Variants in UGT1A7 observed in about 807,000 individuals in gnomAD.
UGT1A7 encodes UDP-glucuronosyltransferase 1A7.
UGT1A7 carries 33 observed loss-of-function variants against 45.6 expected under a neutral mutation model. The observed-to-expected ratio is 0.72, with a 90% CI of 0.55 to 0.97. The LOEUF (loss-of-function observed/expected upper bound fraction) is 0.97. Among genes scored for constraint, UGT1A7 ranks in the 50% least tolerant of loss-of-function variants. UGT1A7 has a pLI of 0.00. For synonymous variants in UGT1A7, 274 were observed against 250.6 expected (o/e 1.09, Z -0.88); for missense variants, 684 against 666.2 (o/e 1.03, Z -0.29).
chr2:233,743,766 C>G (rs750440547), intron 1 of UGT1A7: 10 of 1,367,368 alleles, frequency 7.3e-6, no homozygotes, highest in Non-Finnish European at 9.8e-6. Flanking sequence ...TCGTAGGCCT[C>G]GGCCACCTGC....
Position 233,769,593 on chromosome 2 carries a change from G to A in UGT1A7, c.1295+1154G>A, listed in dbSNP as rs748291102. The A allele has an allele frequency of 1.9e-5, 30 of 1,612,700 alleles. No homozygotes were observed. The East Asian group carries it at 4.2e-4, about 23-fold the overall frequency. On this transcript the variant is annotated intron_variant, in intron 4 of 4. Coordinates refer to ENST00000373426, the MANE Select transcript of UGT1A7 (RefSeq NM_019077.3). The surrounding 1 kb of genome is among the most constrained non-coding windows in gnomAD (Gnocchi z 4.4). ...GGAGCATGTTCAGATGAGAGGAGAC[G>A]GAACACGGGGACACACCAGCTTGAG... is the stretch of plus-strand genomic sequence containing the variant.
intron 1 of UGT1A7, chr2:233,690,737 C>G: frequency 8.3e-7 from 1 of 1,207,142 alleles, no homozygotes; most frequent in Non-Finnish European, 1.0e-6. Flanking sequence ...CCAGATTCCT[C>G]TGGCTAGTGT....
chr2:233,712,254 C>T (rs1465603390), intron 1 of UGT1A7, among the ~76,000 whole-genome samples: 2 of 152,330 alleles, frequency 1.3e-5, no homozygotes, highest in Admixed American at 1.3e-4. Flanking sequence ...GGTTGTCTTG[C>T]ACATGTGTGC....
chr2:233,742,956 T>C, intron 1 of UGT1A7: 1 of 217,074 alleles, frequency 4.6e-6, no homozygotes, highest in Non-Finnish European at 9.3e-6. Context: ...CAAATAATCA[T>C]TGTCTGCCTC....
chr2:233,733,569 G>C (rs1217619334), intron 1 of UGT1A7, among the ~76,000 whole-genome samples: 1 of 152,186 alleles, frequency 6.6e-6, no homozygotes, highest in East Asian at 1.9e-4. Context: ...AAATAATCAT[G>C]TGGTTTGTCA....
intron 1 of UGT1A7, chr2:233,713,548 A>G (rs1398367800): frequency 6.8e-6 from 11 of 1,613,866 alleles, no homozygotes; most frequent in Admixed American, 1.7e-5. Flanking sequence ...AAGGGCACAC[A>G]GTGTCCAAAC....
intron 1 of UGT1A7, among the ~76,000 whole-genome samples, chr2:233,703,008 A>G (rs1220956352): frequency 6.6e-6 from 1 of 152,230 alleles, no homozygotes; most frequent in African/African-American, 2.4e-5. Flanking sequence ...TTTTGGGAAC[A>G]GTCTGTCAAG....
chr2:233,747,346 G>A (rs1006096980), intron 1 of UGT1A7: 37 of 1,603,044 alleles, frequency 2.3e-5, no homozygotes, highest in African/African-American at 1.5e-4. Context: ...GCTCGCATGC[G>A]GGAGGCCGTG....
At chr2:233,742,372 A>C (rs1691957505) in intron 1 of UGT1A7, among the ~76,000 whole-genome samples, 1 of 152,034 alleles carries the variant, frequency 6.6e-6, no homozygotes, top group South Asian at 2.1e-4. Context: ...ACATGTCCTT[A>C]AGGCACAGAT....
chr2:233,721,727 T>TA, intron 1 of UGT1A7: 1 of 404,726 alleles, frequency 2.5e-6, no homozygotes, highest in South Asian at 1.9e-5. Flanking sequence ...TTTACTTGGA[T>TA]AAGCTTAATG....
Position 233,755,093 on chromosome 2 carries a change from C to G in UGT1A7, c.856-11941C>G, listed in dbSNP as rs566230339. On this transcript the variant is annotated intron_variant, in intron 1 of 4. Transcript: ENST00000373426. ...AGCGGTCATAGATATCGCGTTTCTA[C>G]GCGTCCGACAACACCTCGTAGGCCT... The G allele has an allele frequency of 5.8e-4, 775 of 1,335,150 alleles. 7 individuals carry two copies. Among genetic ancestry groups the G allele is most frequent in the Non-Finnish European group, 7.2e-4 (713 of 992,692 alleles). The allele number at this position is 1,335,150 out of a possible 1,614,324, so 82.7% of individuals were successfully genotyped here. A position where few individuals can be genotyped will look rare whatever the true frequency, so the allele number is the denominator to read the frequency against.
intron 1 of UGT1A7, among the ~76,000 whole-genome samples, chr2:233,698,709 C>T (rs1285888187): frequency 6.6e-6 from 1 of 152,186 alleles, no homozygotes; most frequent in Non-Finnish European, 1.5e-5. Context: ...ATGTGCAAAG[C>T]CTTTTGAAAA....
At position 233,725,198 on chromosome 2, in the gene UGT1A7, A is replaced by G. The variant is rs1414997731; in HGVS notation, c.856-41836A>G. The stretch of plus-strand genomic sequence containing the variant: ...CGTGGGGAGAGGCAGAGGCAGAGGC[A>G]GAGGCAGAGGCAGAGGCAGAGGAGG... On this transcript the variant is annotated intron_variant, in intron 1 of 4. Coordinates refer to ENST00000373426, the MANE Select transcript of UGT1A7 (RefSeq NM_019077.3). Among the ~76,000 whole-genome samples, 47 of 86,252 alleles carry G rather than the reference A, an allele frequency of 5.4e-4. 1 individual carries two copies. The highest frequency in any genetic ancestry group is 5.3e-3 in the Middle Eastern group (1 of 188). 56.6% of individuals were successfully genotyped at this position (86,252 alleles called of 152,430 possible). A position where few individuals can be genotyped will look rare whatever the true frequency, so the allele number is the denominator to read the frequency against.
rs529215357 is a variant in UGT1A7, at chr2:233,707,210, CT to C, written c.855+24422del. On this transcript the variant is annotated intron_variant, in intron 1 of 4. Coordinates refer to ENST00000373426, the MANE Select transcript of UGT1A7 (RefSeq NM_019077.3). ...GCCCTCCGTTCTATTCCCTTTCCAT[CT>C]TTTCTCTGACTTTTGTGATGATTAT... Among the ~76,000 whole-genome samples, 182 of 152,268 alleles carry C rather than the reference CT, an allele frequency of 1.2e-3. 1 individual carries two copies. The highest frequency in any genetic ancestry group is 4.3e-3 in the African/African-American group (179 of 41,568).
intron 1 of UGT1A7, chr2:233,752,371 G>C (rs1694955006): frequency 6.6e-6 from 1 of 152,082 alleles, no homozygotes; most frequent in Non-Finnish European, 1.5e-5. Flanking sequence ...GTCTCAAGAG[G>C]GTCATCTTTG....
At chr2:233,691,252 A>G in intron 1 of UGT1A7, 1 of 985,544 alleles carries the variant, frequency 1.0e-6, no homozygotes, top group South Asian at 4.7e-5. Context: ...ATGAACTCAA[A>G]GCAAGATGCT....
chr2:233,693,122 C>T, intron 1 of UGT1A7: 6 of 1,614,092 alleles, frequency 3.7e-6, no homozygotes, highest in Non-Finnish European at 5.1e-6. Flanking sequence ...AAGCCACTGG[C>T]TTAGTATGAA....
intron 1 of UGT1A7, chr2:233,693,074 G>A: frequency 6.2e-7 from 1 of 1,614,172 alleles, no homozygotes; most frequent in Non-Finnish European, 8.5e-7. Flanking sequence ...TTGGGGCATG[G>A]TTGTAGGTGA....
Position 233,686,983 on chromosome 2 carries a change from C to T in UGT1A7, c.855+4191C>T, listed in dbSNP as rs930412019. On this transcript the variant is annotated intron_variant, in intron 1 of 4. Transcript: ENST00000373426. ...ATTAGCAAGGCAGGGAAGTTGTACC[C>T]CAAGTCTTGGTTTCAACACTAGAGG... Among the ~76,000 whole-genome samples the T allele has an allele frequency of 2.6e-5, 4 of 152,148 alleles. No individual in the cohort carries two copies. In the South Asian group the frequency reaches 8.3e-4, roughly 32 times the overall value.
Sources: gnomAD v4.1 joint callset for allele counts (sites outside exome capture counted in the v4.1 genomes callset) on GRCh38, gnomAD v4.1.1 for gene constraint, Gnocchi (gnomAD v3.1) non-coding constraint, MANE v1.5 for transcripts, NCBI Gene and HGNC (gene_info 2026-07-23, HGNC 2026-07-21) for gene names.